Variants in NCKAP5 observed in about 807,000 individuals in gnomAD.
The protein encoded by NCKAP5 is nck-associated protein 5.
Under a neutral mutation model 167.0 loss-of-function variants are expected in NCKAP5, and 92 were observed. That is an observed-to-expected ratio of 0.55 (90% CI 0.47 to 0.66). The LOEUF is 0.66. Among genes scored for constraint, NCKAP5 ranks in the 30% least tolerant of loss-of-function variants. The pLI is 0.00. For synonymous variants in NCKAP5, 891 were observed against 877.4 expected (o/e 1.02, Z -0.27); for missense variants, 2,378 against 2,315.0 (o/e 1.03, Z -0.56).
chr2:133,575,203 A>G, the NCKAP5 span, among the ~76,000 whole-genome samples: 1 of 152,236 alleles, frequency 6.6e-6, no homozygotes, highest in East Asian at 1.9e-4. Flanking sequence ...ACCCTGGGCT[A>G]TTAGGCAGGA....
At chr2:132,687,161 G>A (rs1395956423) in intron 19 of NCKAP5, among the ~76,000 whole-genome samples, 1 of 152,152 alleles carries the variant, frequency 6.6e-6, no homozygotes, top group East Asian at 1.9e-4. Flanking sequence ...CCTTAAAGAC[G>A]ATGAGAGATT....
At position 132,783,675 on chromosome 2, in the gene NCKAP5, G is replaced by A; in HGVS notation, c.3136C>T (p.Pro1046Ser). Reference sequence around the variant, plus strand: ...AGTGTTTGGCGAGGAGAGGTTTTGGGGACACCTCTCTTCGGAGAGACCTTT... The same window carrying A: ...AGTGTTTGGCGAGGAGAGGTTTTGGAGACACCTCTCTTCGGAGAGACCTTT... ...PPKVSPKRGV[P>S]KTSPRQTLGT... is the part of the protein sequence containing the mutation. Residue 1046 changes from proline to serine, a missense_variant, in exon 14 of 20, where the codon CCC (proline) becomes TCC (serine). Pro to Ser is a moderately conservative substitution (Grantham distance 74, BLOSUM62 -1). This residue lies in a region of NCKAP5 where 1,325 missense variants were observed against 1,274.5 expected (regional missense o/e 1.04). Transcript: ENST00000409261. 1 of 1,613,842 alleles carries A rather than the reference G, an allele frequency of 6.2e-7. No homozygotes were observed. The highest frequency in any genetic ancestry group is 8.5e-7 in the Non-Finnish European group (1 of 1,179,868).
chr2:133,434,622 A>G (rs1383284252), intron 3 of NCKAP5, among the ~76,000 whole-genome samples: 1 of 152,270 alleles, frequency 6.6e-6, no homozygotes, highest in Non-Finnish European at 1.5e-5. Flanking sequence ...ACACTTTACA[A>G]TAGTGCCAGG....
chr2:133,256,280 C>T (rs187532426), intron 4 of NCKAP5, among the ~76,000 whole-genome samples: 10 of 151,846 alleles, frequency 6.6e-5, no homozygotes, highest in Admixed American at 2.6e-4. Context: ...CTATTGAACT[C>T]GATAATATAA....
chr2:133,620,268 G>C, the NCKAP5 span, among the ~76,000 whole-genome samples: 1 of 152,010 alleles, frequency 6.6e-6, no homozygotes, highest in African/African-American at 2.4e-5. Context: ...TGGCCTAAAT[G>C]CTCCACTTAA....
chr2:133,010,070 CAAA>C (rs1252875422), intron 6 of NCKAP5, among the ~76,000 whole-genome samples: 42 of 114,406 alleles, frequency 3.7e-4, no homozygotes, highest in Non-Finnish European at 6.8e-4. Context: ...GATTCTGTCT[CAAA>C]AAAAAAAAAT....
chr2:132,994,578 T>C (rs1388741281), intron 6 of NCKAP5, among the ~76,000 whole-genome samples: 1 of 152,186 alleles, frequency 6.6e-6, no homozygotes, highest in Non-Finnish European at 1.5e-5. Flanking sequence ...AAAACCACTT[T>C]CATTTTTAAA....
the NCKAP5 span, among the ~76,000 whole-genome samples, chr2:133,594,975 T>C: frequency 6.6e-6 from 1 of 152,264 alleles, no homozygotes; most frequent in East Asian, 1.9e-4. Flanking sequence ...AAGGGTCTCA[T>C]GGAAGAGACC....
At chr2:133,631,511 C>T in the NCKAP5 span, among the ~76,000 whole-genome samples, 1 of 152,250 alleles carries the variant, frequency 6.6e-6, no homozygotes, top group South Asian at 2.1e-4. Flanking sequence ...TGGCCATGTA[C>T]CTTCAAATCA....
rs563206492 is a variant in NCKAP5, at chr2:133,562,986, G to A, written c.-129-3869C>T. Among the ~76,000 whole-genome samples the A allele has an allele frequency of 2.0e-5, 3 of 152,266 alleles. No individual in the cohort carries two copies. The South Asian group carries it at 6.2e-4, about 32-fold the overall frequency. On this transcript the variant is annotated intron_variant, in intron 1 of 19. Coordinates refer to ENST00000409261, the MANE Select transcript of NCKAP5 (RefSeq NM_207363.3). ...TTAAACCCTGTAGAGTTAGAGAACTGGAGAAAAAGAAGGCTATAAGGTACT... is the reference window on the plus strand; with the variant it reads ...TTAAACCCTGTAGAGTTAGAGAACTAGAGAAAAAGAAGGCTATAAGGTACT...
chr2:132,878,507 C>G (rs772060707), intron 9 of NCKAP5, among the ~76,000 whole-genome samples: 25 of 151,934 alleles, frequency 1.6e-4, no homozygotes, highest in Non-Finnish European at 3.4e-4. Context: ...ACTTATTGGA[C>G]AGAAATAATT....
intron 2 of NCKAP5, among the ~76,000 whole-genome samples, chr2:133,543,632 C>T (rs1267025377): frequency 1.3e-5 from 2 of 152,218 alleles, no homozygotes; most frequent in African/African-American, 4.8e-5. Context: ...GGCCCCAGGC[C>T]TTTGGCTTTC....
intron 6 of NCKAP5, among the ~76,000 whole-genome samples, chr2:133,015,889 G>C (rs780639088): frequency 1.3e-5 from 2 of 152,150 alleles, no homozygotes; most frequent in East Asian, 3.9e-4. Context: ...TTCCAGAACT[G>C]AAACTGTTGT....
chr2:133,137,406 T>TGTGTGTGTGTGTG (rs2082828771), intron 5 of NCKAP5, among the ~76,000 whole-genome samples: 13 of 136,302 alleles, frequency 9.5e-5, no homozygotes, highest in African/African-American at 2.8e-4. Context: ...GAGCTTGGTT[T>TGTGTGTGTGTGTG]TGTGTGTGTG....
intron 7 of NCKAP5, among the ~76,000 whole-genome samples, chr2:132,964,919 T>C (rs561185133): frequency 5.3e-5 from 8 of 152,208 alleles, no homozygotes; most frequent in Admixed American, 2.6e-4. Flanking sequence ...TTTCAAACTG[T>C]GCTCATCAAG....
the NCKAP5 span, among the ~76,000 whole-genome samples, chr2:133,656,919 C>A: frequency 2.6e-5 from 4 of 151,944 alleles, no homozygotes; most frequent in Admixed American, 2.6e-4. Context: ...TAATCCCCGT[C>A]CCCCTCCCAC....
chr2:133,561,538 A>C (rs186465931), intron 1 of NCKAP5, among the ~76,000 whole-genome samples: 2 of 152,318 alleles, frequency 1.3e-5, no homozygotes, highest in Non-Finnish European at 2.9e-5. Flanking sequence ...CTTACACTGA[A>C]ATGTATTGAG....
intron 11 of NCKAP5, among the ~76,000 whole-genome samples, chr2:132,845,092 C>T (rs12475072): frequency 0.079 from 11,973 of 152,068 alleles, 945 homozygotes; most frequent in African/African-American, 0.19. Context: ...GTTCATCAGC[C>T]ATTTGTGTTT....
chr2:133,594,845 C>T, the NCKAP5 span, among the ~76,000 whole-genome samples: 7 of 152,020 alleles, frequency 4.6e-5, no homozygotes, highest in Middle Eastern at 3.4e-3. Flanking sequence ...GACCACAGGA[C>T]ACTGCTGAGT....
Sources: gnomAD v4.1 joint callset for allele counts (sites outside exome capture counted in the v4.1 genomes callset) on GRCh38, gnomAD v4.1.1 for gene constraint, gnomAD v4.1.1 regional missense constraint, MANE v1.5 for transcripts, NCBI Gene and HGNC (gene_info 2026-07-23, HGNC 2026-07-21) for gene names.